Variants in RPS6KC1 observed in about 807,000 individuals in gnomAD.
RPS6KC1 encodes the protein ribosomal protein S6 kinase C1, also known as inactive ribosomal protein S6 kinase delta-1.
RPS6KC1 carries 54 observed loss-of-function variants against 103.8 expected under a neutral mutation model. The observed-to-expected ratio is 0.52, with a 90% CI of 0.42 to 0.65. The LOEUF is 0.65. Among genes scored for constraint, RPS6KC1 ranks in the 30% least tolerant of loss-of-function variants. RPS6KC1 has a pLI of 0.00. For missense variants in RPS6KC1, 1,151 were observed against 1,253.8 expected, an observed-to-expected ratio of 0.92 and a Z score of 1.24; for synonymous variants, 439 against 438.7, an observed-to-expected ratio of 1.00 and a Z score of -0.01.
intron 12 of RPS6KC1, among the ~76,000 whole-genome samples, chr1:213,245,996 C>CT (rs1345392481): frequency 1.3e-5 from 2 of 152,086 alleles, no homozygotes; most frequent in African/African-American, 4.8e-5. Flanking sequence ...AAAGTTGCCA[C>CT]TTTTTTATAT....
At chr1:213,568,658 C>T in the RPS6KC1 span, among the ~76,000 whole-genome samples, 1 of 152,142 alleles carries the variant, frequency 6.6e-6, no homozygotes, top group Non-Finnish European at 1.5e-5. Flanking sequence ...CTGCAGTAAA[C>T]AATATCATGC....
chr1:213,531,173 TC>T, the RPS6KC1 span, among the ~76,000 whole-genome samples: 1 of 152,126 alleles, frequency 6.6e-6, no homozygotes, highest in Non-Finnish European at 1.5e-5. Context: ...GAACCCCGGT[TC>T]CCTCCTCTCC....
chr1:213,730,135 G>GGT, the RPS6KC1 span, among the ~76,000 whole-genome samples: 191 of 152,212 alleles, frequency 1.3e-3, 1 homozygote, highest in African/African-American at 4.4e-3. Context: ...AGTATTCCAT[G>GGT]GTGTATATGT....
the RPS6KC1 span, among the ~76,000 whole-genome samples, chr1:213,363,806 CTTTCT>C: frequency 0.019 from 988 of 52,614 alleles, 151 homozygotes; most frequent in African/African-American, 0.059. Context: ...TTCTTTCTTT[CTTTCT>C]TTCTTCTCTC....
intron 8 of RPS6KC1, among the ~76,000 whole-genome samples, chr1:213,225,988 C>G (rs1450943437): frequency 6.6e-6 from 1 of 152,028 alleles, no homozygotes; most frequent in Non-Finnish European, 1.5e-5. Context: ...CTTTGGGATG[C>G]CGAGGCGGGC....
chr1:213,459,814 C>CA, the RPS6KC1 span, among the ~76,000 whole-genome samples: 1 of 152,148 alleles, frequency 6.6e-6, no homozygotes, highest in African/African-American at 2.4e-5. Flanking sequence ...TTTCAAAGAA[C>CA]ATTGTTATTT....
chr1:213,712,161 A>T, the RPS6KC1 span, among the ~76,000 whole-genome samples: 1 of 152,166 alleles, frequency 6.6e-6, no homozygotes, highest in East Asian at 1.9e-4. Context: ...TGGGAGTTTT[A>T]TCTATAAGCC....
At chr1:213,114,890 T>C (rs1229041388) in intron 4 of RPS6KC1, among the ~76,000 whole-genome samples, 7 of 152,166 alleles carry the variant, frequency 4.6e-5, no homozygotes, top group African/African-American at 7.2e-5. Context: ...GCCTTGCATC[T>C]CAGGGATGAA....
rs1029704969 is a variant in RPS6KC1 at position 213,203,465 on chromosome 1, T to A, written c.1044+26973T>A. ...CAATTTTAATTGTTAATAGGATATA[T>A]TTTTAAAATTTTTTATTGACTGTGT... On this transcript the variant is annotated intron_variant, in intron 8 of 14. Transcript: ENST00000366960. Among the ~76,000 whole-genome samples the A allele has an allele frequency of 3.3e-5, 5 of 152,140 alleles. No individual in the cohort carries two copies. The East Asian group carries it at 9.6e-4, about 29-fold the overall frequency.
chr1:213,264,953 A>G (rs2094881177), intron 14 of RPS6KC1, among the ~76,000 whole-genome samples: 1 of 152,340 alleles, frequency 6.6e-6, no homozygotes, highest in Middle Eastern at 3.4e-3. Context: ...TTTTAAATGC[A>G]ATCTTAAAAA....
At chr1:213,711,893 C>T in the RPS6KC1 span, among the ~76,000 whole-genome samples, 1 of 152,190 alleles carries the variant, frequency 6.6e-6, no homozygotes, top group African/African-American at 2.4e-5. Context: ...GAAGCTTCGT[C>T]CCCGAAGGGC....
chr1:213,603,900 A>T, the RPS6KC1 span, among the ~76,000 whole-genome samples: 118,747 of 151,826 alleles, frequency 0.78, 48,340 homozygotes, highest in East Asian at 0.93. Context: ...AGAAAAAAAA[A>T]TTTTTTCTGT....
At chr1:213,372,881 A>AATAT in the RPS6KC1 span, among the ~76,000 whole-genome samples, 1 of 152,026 alleles carries the variant, frequency 6.6e-6, no homozygotes, top group South Asian at 2.1e-4. Context: ...ATACATATTT[A>AATAT]ATATATATAA....
chr1:213,218,633 A>G (rs551314791), intron 8 of RPS6KC1, among the ~76,000 whole-genome samples: 2 of 152,362 alleles, frequency 1.3e-5, no homozygotes, highest in South Asian at 2.1e-4. Context: ...CTACAAGGCT[A>G]CAATAACCAA....
At chr1:213,095,491 T>A (rs1299909873) in intron 3 of RPS6KC1, among the ~76,000 whole-genome samples, 2 of 152,204 alleles carry the variant, frequency 1.3e-5, no homozygotes, top group Non-Finnish European at 2.9e-5. Flanking sequence ...CAGAGAGGCT[T>A]TATTTTTAGT....
At chr1:213,079,469 A>G (rs2079653804) in intron 3 of RPS6KC1, among the ~76,000 whole-genome samples, 1 of 152,044 alleles carries the variant, frequency 6.6e-6, no homozygotes, top group African/African-American at 2.4e-5. Flanking sequence ...CCTAGGCTGG[A>G]GTACAGTGGT....
chr1:213,548,040 A>G, the RPS6KC1 span, among the ~76,000 whole-genome samples: 1 of 152,212 alleles, frequency 6.6e-6, no homozygotes, highest in Non-Finnish European at 1.5e-5. Context: ...TAGTCCTCAT[A>G]TCCACCAGAA....
At chr1:213,513,596 A>G in the RPS6KC1 span, among the ~76,000 whole-genome samples, 1 of 152,206 alleles carries the variant, frequency 6.6e-6, no homozygotes, top group Non-Finnish European at 1.5e-5. Flanking sequence ...ATTCTCAGGG[A>G]TTGATTGCAT....
chr1:213,472,373 T>C, the RPS6KC1 span, among the ~76,000 whole-genome samples: 8 of 152,366 alleles, frequency 5.3e-5, no homozygotes, highest in East Asian at 1.5e-3. Context: ...CAATTGGGAC[T>C]AATAGAATAT....
Sources: gnomAD v4.1 joint callset for allele counts (sites outside exome capture counted in the v4.1 genomes callset) on GRCh38, gnomAD v4.1.1 for gene constraint, MANE v1.5 for transcripts, NCBI Gene and HGNC (gene_info 2026-07-23, HGNC 2026-07-21) for gene names.